The following TFIP11 variants were observed in gnomAD, a reference collection of about 807,000 sequenced individuals.
TFIP11 encodes the protein tuftelin-interacting protein 11.
A neutral mutation model predicts 96.8 loss-of-function variants in TFIP11; 86 were observed. The ratio of observed to expected loss-of-function variants is 0.89; its 90% CI spans 0.75 to 1.06. The LOEUF (loss-of-function observed/expected upper bound fraction) is 1.06. TFIP11 is among the 50% of genes least tolerant of loss of function. TFIP11 has a pLI of 0.00. For synonymous variants in TFIP11, 405 were observed against 395.2 expected (o/e 1.02, Z -0.29); for missense variants, 881 against 1,076.7 (o/e 0.82, Z 2.54).
intron 4 of TFIP11, among the ~76,000 whole-genome samples, chr22:26,508,014 A>T (rs571640264): frequency 6.6e-6 from 1 of 152,244 alleles, no homozygotes; most frequent in South Asian, 2.1e-4. Context: ...AGGCTGACGC[A>T]TGAGAAACGC....
intron 8 of TFIP11, among the ~76,000 whole-genome samples, chr22:26,500,640 C>G (rs540397421): frequency 9.9e-5 from 15 of 151,446 alleles, no homozygotes; most frequent in Admixed American, 9.9e-4. Flanking sequence ...CCATGAACCA[C>G]CAGCTTTAGA....
intron 8 of TFIP11, among the ~76,000 whole-genome samples, chr22:26,500,568 G>A (rs2147134376): frequency 6.6e-6 from 1 of 152,178 alleles, no homozygotes; most frequent in African/African-American, 2.4e-5. Context: ...CAGGAAATGT[G>A]AATACGGACT....
At position 26,496,284 on chromosome 22, in the gene TFIP11, A is replaced by G. The variant is rs1214304230; in HGVS notation, c.1638T>C (p.Val546=). The stretch of plus-strand genomic sequence containing the variant: ...ATGGGTGGATCCAAGAGTGGATGGG[A>G]ACAGTGTCTGTGAGCGGGTTCCAGT... ...VENWNPLTDT[V]PIHSWIHPWL... is the part of the protein sequence containing the mutation. The change falls in exon 12 of 15, where the codon GTT becomes GTC. Residue 546 remains valine (V), a synonymous_variant. Coordinates refer to ENST00000407690, the MANE Select transcript of TFIP11 (RefSeq NM_012143.4). The G allele has an allele frequency of 6.2e-7, 1 of 1,608,250 alleles. No homozygotes were observed. The highest frequency in any genetic ancestry group is 1.7e-5 in the Admixed American group (1 of 59,862).
At chr22:26,500,232 C>T (rs1161187936) in intron 8 of TFIP11, among the ~76,000 whole-genome samples, 6 of 152,260 alleles carry the variant, frequency 3.9e-5, no homozygotes, top group East Asian at 1.9e-4. Flanking sequence ...TGCAGTGGCA[C>T]GATCTCAGCT....
chr22:26,506,284 G>T lies in TFIP11; in HGVS notation c.520+19C>A, dbSNP rs745724402. ...ATGCCTGCCCTCCTCCATCATGCAA[G>T]ACGACAAAGGTGCAATACCTTGTGC... On this transcript the variant is annotated intron_variant, in intron 6 of 14. Transcript: ENST00000407690. 1 of 1,574,450 alleles carries T rather than the reference G, an allele frequency of 6.4e-7. No individual in the cohort carries two copies. Among genetic ancestry groups the T allele is most frequent in the Admixed American group, 1.9e-5 (1 of 52,116 alleles).
At chr22:26,503,173 T>C (rs936402180) in intron 7 of TFIP11, among the ~76,000 whole-genome samples, 1 of 152,174 alleles carries the variant, frequency 6.6e-6, no homozygotes, top group African/African-American at 2.4e-5. Context: ...ATGGCTGTCA[T>C]GGCTGTCTTG....
rs1278962754 is a variant in TFIP11 at position 26,499,493 on chromosome 22, CG to C, written c.939del (p.Gly314AlafsTer46). 1 of 1,614,052 alleles carries C rather than the reference CG, an allele frequency of 6.2e-7. No individual in the cohort carries two copies. Among genetic ancestry groups the C allele is most frequent in the Admixed American group, 1.7e-5 (1 of 60,002 alleles). On this transcript the variant is annotated frameshift_variant, in exon 9 of 15. Coordinates refer to ENST00000407690, the MANE Select transcript of TFIP11 (RefSeq NM_012143.4). LOFTEE classifies it high-confidence loss of function. ...TGCTCCAGCTCGGGCAGCGCGAAGC[CG>C]GGGGCCTTGGCCTCTTTGCCAGACT... ...LPQSGKEAKA[P>X]GFALPELEHN...
intron 8 of TFIP11, 106 bp downstream of exon 8, chr22:26,501,794 A>T (rs1922821591): frequency 1.4e-6 from 1 of 711,092 alleles, no homozygotes; most frequent in Non-Finnish European, 2.0e-6. Context: ...CCAAAAAAAA[A>T]AAAAAAAAAA....
At chr22:26,499,741 T>TGG (rs1922551777) in intron 8 of TFIP11, 110 bp from the exon 9 acceptor site, 3 of 1,163,654 alleles carry the variant, frequency 2.6e-6, no homozygotes, top group East Asian at 2.4e-5. Flanking sequence ...AACCACATTA[T>TGG]TCAACAGAGC....
chr22:26,495,710 ATAT>A (rs1569157104), intron 12 of TFIP11, among the ~76,000 whole-genome samples: 1 of 151,616 alleles, frequency 6.6e-6, no homozygotes, highest in Non-Finnish European at 1.5e-5. Flanking sequence ...GTATGTATAT[ATAT>A]TTTTTTTGCT....
chr22:26,509,699 TACA>T (rs1923822547), intron 4 of TFIP11, among the ~76,000 whole-genome samples: 1 of 152,022 alleles, frequency 6.6e-6, no homozygotes, highest in Non-Finnish European at 1.5e-5. Context: ...CTACTAATAA[TACA>T]AACATTAGCT....
Position 26,499,263 on chromosome 22 carries a change from G to T in TFIP11, c.1170C>A (p.Asp390Glu), listed in dbSNP as rs1372161580. The change falls in exon 9 of 15, where the codon GAC becomes GAA. Residue 390 changes from aspartate (D) to glutamate (E), a missense_variant. Physicochemically the swap from Asp to Glu is conservative, Grantham distance 45. Coordinates refer to ENST00000407690, the MANE Select transcript of TFIP11 (RefSeq NM_012143.4). Reference sequence around the variant, plus strand: ...CGTCCAGGGTGAGGGGGTTGCTGCAGTCGGGCTGCATCCGCCGCTCGCACT... The same window carrying T: ...CGTCCAGGGTGAGGGGGTTGCTGCATTCGGGCTGCATCCGCCGCTCGCACT... ...VEECERRMQPDCSNPLTLDEC... is the reference protein window; with the variant it reads ...VEECERRMQPECSNPLTLDEC... The T allele has an allele frequency of 6.2e-7, 1 of 1,613,970 alleles. No individual in the cohort carries two copies. Among genetic ancestry groups the T allele is most frequent in the South Asian group, 1.1e-5 (1 of 91,044 alleles).
At chr22:26,494,459 T>A in intron 13 of TFIP11, 155 bp from the exon 14 acceptor site, 1 of 947,150 alleles carries the variant, frequency 1.1e-6, no homozygotes, top group Non-Finnish European at 1.6e-6. Context: ...CACTTATGAA[T>A]ATGGATTTTG....
chr22:26,507,687 TTAACTC>T (rs1923587603), intron 4 of TFIP11, among the ~76,000 whole-genome samples: 1 of 150,602 alleles, frequency 6.6e-6, no homozygotes, highest in African/African-American at 2.4e-5. Flanking sequence ...AAATAAGAAA[TTAACTC>T]TATAAAATGA....
chr22:26,508,622 G>A (rs993861303), intron 4 of TFIP11, among the ~76,000 whole-genome samples: 1 of 152,092 alleles, frequency 6.6e-6, no homozygotes, highest in South Asian at 2.1e-4. Flanking sequence ...TTCGGAGGCC[G>A]AGGCAGGCGG....
In TFIP11 at chr22:26,506,326, C is replaced by G. The variant is rs777122131; in HGVS notation, c.497G>C (p.Arg166Pro). 1 of 1,608,106 alleles carries G rather than the reference C, an allele frequency of 6.2e-7. No individual in the cohort carries two copies. Among genetic ancestry groups the G allele is most frequent in the Middle Eastern group, 1.7e-4 (1 of 6,024 alleles). The stretch of plus-strand genomic sequence containing the variant: ...ACCTTGTGCATTCTTCCCGAGGCCC[C>G]GTCCAGGGACGTAGCCCATCTTCTG... ...LLQKMGYVPGRGLGKNAQGII... is the reference protein window; with the variant it reads ...LLQKMGYVPGPGLGKNAQGII... Residue 166 changes from arginine to proline, a missense_variant, in exon 6 of 15, where the codon CGG becomes CCG. Transcript: ENST00000407690.
Position 26,491,517 on chromosome 22 carries a change from ATATT to A in TFIP11, c.*492_*495del, listed in dbSNP as rs1921174151. On this transcript the variant is annotated 3_prime_UTR_variant, in exon 15 of 15. Transcript: ENST00000407690. ...TCCTCAGACTTCACAATACATGGAC[ATATT>A]TAATGATACCTCTGTCCACTGGTTC... The A allele has an allele frequency of 6.2e-7, 1 of 1,614,060 alleles. No individual in the cohort carries two copies. The highest frequency in any genetic ancestry group is 8.5e-7 in the Non-Finnish European group (1 of 1,180,028).
chr22:26,502,081 G>C, intron 7 of TFIP11, 29 bp from the exon 8 acceptor site: 1 of 1,613,776 alleles, frequency 6.2e-7, no homozygotes, highest in Non-Finnish European at 8.5e-7. Context: ...GTCAGATGCA[G>C]CAAGGAACAA....
At chr22:26,510,723 A>C (rs994862541) in intron 2 of TFIP11, 21 bp from the exon 3 acceptor site, 1 of 156,432 alleles carries the variant, frequency 6.4e-6, no homozygotes, top group Non-Finnish European at 1.4e-5. Context: ...GATTTTTTTT[A>C]GAATATGCTT....
Sources: gnomAD v4.1 joint callset for allele counts (sites outside exome capture counted in the v4.1 genomes callset) on GRCh38, gnomAD v4.1.1 for gene constraint, MANE v1.5 for transcripts, NCBI Gene and HGNC (gene_info 2026-07-23, HGNC 2026-07-21) for gene names.